EML5: variants seen among roughly 807,000 people sequenced by gnomAD.
EML5 encodes echinoderm microtubule-associated protein-like 5.
A neutral mutation model predicts 250.0 loss-of-function variants in EML5; 120 were observed. The ratio of observed to expected loss-of-function variants is 0.48; its 90% CI spans 0.41 to 0.56. EML5 has a LOEUF of 0.56. Among genes scored for constraint, EML5 ranks in the 20% least tolerant of loss-of-function variants. The pLI is 0.00. For synonymous variants in EML5, 771 were observed against 806.5 expected, an observed-to-expected ratio of 0.96 and a Z score of 0.75; for missense variants, 2,006 against 2,437.6, an observed-to-expected ratio of 0.82 and a Z score of 3.73.
At chr14:88,673,413 G>A (rs1329743452) in intron 21 of EML5, among the ~76,000 whole-genome samples, 3 of 152,048 alleles carry the variant, frequency 2.0e-5, no homozygotes, top group African/African-American at 7.2e-5. Flanking sequence ...AACCCACAGT[G>A]AGTATCATAC....
intron 27 of EML5, among the ~76,000 whole-genome samples, chr14:88,653,355 A>G (rs753841795): frequency 3.9e-5 from 6 of 152,184 alleles, no homozygotes; most frequent in Non-Finnish European, 8.8e-5. Context: ...AGTGAGAGAC[A>G]GCATCCTTGT....
chr14:88,663,666 T>TA (rs1339829907), intron 23 of EML5, among the ~76,000 whole-genome samples: 1 of 152,154 alleles, frequency 6.6e-6, no homozygotes, highest in Non-Finnish European at 1.5e-5. Flanking sequence ...AAAATGACTT[T>TA]AAAATCTTCA....
intron 28 of EML5, 79 bp from the exon 29 acceptor site, chr14:88,647,034 A>G: frequency 2.2e-6 from 3 of 1,335,812 alleles, no homozygotes; most frequent in Non-Finnish European, 3.1e-6. Flanking sequence ...ACCTCCTGTA[A>G]TAAAATATTT....
chr14:88,712,159 T>TC, intron 10 of EML5, 112 bp downstream of exon 10: 1 of 697,126 alleles, frequency 1.4e-6, no homozygotes, highest in Non-Finnish European at 2.4e-6. Context: ...CCTTCACCAA[T>TC]CAGTGTAATT....
chr14:88,773,744 C>T lies in EML5; in HGVS notation c.197+18563G>A, dbSNP rs569480060. Among the ~76,000 whole-genome samples the T allele has an allele frequency of 5.3e-5, 8 of 152,288 alleles. No homozygotes were observed. In the South Asian group the frequency reaches 1.7e-3, roughly 32 times the overall value. On this transcript the variant is annotated intron_variant, in intron 1 of 43. Coordinates refer to ENST00000554922, the MANE Select transcript of EML5 (RefSeq NM_183387.3). ...TGTTTTCTTTTAACTTTCTATTAAG[C>T]AGCCAGGGTTGAGAATCAGGAATCT... is the stretch of plus-strand genomic sequence containing the variant.
At chr14:88,672,584 C>T (rs769802878) in intron 21 of EML5, among the ~76,000 whole-genome samples, 5 of 151,358 alleles carry the variant, frequency 3.3e-5, no homozygotes, top group Admixed American at 6.6e-5. Context: ...ACGAAAAGCG[C>T]GTCAAAAAAT....
At chr14:88,703,091 T>A (rs905046887) in intron 13 of EML5, among the ~76,000 whole-genome samples, 1 of 152,134 alleles carries the variant, frequency 6.6e-6, no homozygotes, top group African/African-American at 2.4e-5. Context: ...AATAAACTTT[T>A]ATGAACTGCT....
chr14:88,744,844 T>C (rs978083653), intron 3 of EML5, among the ~76,000 whole-genome samples: 2 of 152,096 alleles, frequency 1.3e-5, no homozygotes, highest in African/African-American at 4.8e-5. Context: ...TATACTAAAA[T>C]GTACACTTCA....
intron 32 of EML5, among the ~76,000 whole-genome samples, chr14:88,636,474 A>C (rs2090738297): frequency 6.6e-6 from 1 of 152,212 alleles, no homozygotes; most frequent in Non-Finnish European, 1.5e-5. Context: ...CATCCTGGCC[A>C]ACATGGTGAA....
At chr14:88,773,551 T>G (rs2094416633) in intron 1 of EML5, among the ~76,000 whole-genome samples, 1 of 152,162 alleles carries the variant, frequency 6.6e-6, no homozygotes, top group Non-Finnish European at 1.5e-5. Context: ...TGGATTACTA[T>G]TAAATCCAGA....
chr14:88,736,747 G>A (rs891690251), intron 6 of EML5, among the ~76,000 whole-genome samples, 182 bp from the exon 7 acceptor site: 6 of 152,120 alleles, frequency 3.9e-5, no homozygotes, highest in Non-Finnish European at 8.8e-5. Flanking sequence ...AACTGAGAAC[G>A]TCTCTTCCCA....
chr14:88,749,079 A>T (rs533338172), intron 2 of EML5, among the ~76,000 whole-genome samples: 16 of 152,260 alleles, frequency 1.1e-4, no homozygotes, highest in African/African-American at 2.6e-4. Context: ...TAAGACGTTC[A>T]ACAAATCCCA....
chr14:88,731,949 TA>T, intron 7 of EML5, among the ~76,000 whole-genome samples: 1 of 152,358 alleles, frequency 6.6e-6, no homozygotes, highest in East Asian at 1.9e-4. Flanking sequence ...GAGTTCTTTG[TA>T]AATTCTGGAT....
rs891183460 is a variant in EML5 at position 88,775,232 on chromosome 14, G to A, written c.197+17075C>T. ...GAAACTCCTTTTGCTTGAGAAAAGC[G>A]GAGTGAAAAGTAAATACTTTGTCTT... On this transcript the variant is annotated intron_variant, in intron 1 of 43. Transcript: ENST00000554922. Among the ~76,000 whole-genome samples the A allele has an allele frequency of 8.5e-5, 13 of 152,178 alleles. No individual in the cohort carries two copies. The East Asian group carries it at 1.5e-3, about 18-fold the overall frequency.
At chr14:88,617,254 TCTC>T (rs1421351805) in intron 41 of EML5, 1 of 160,000 alleles carries the variant, frequency 6.3e-6, no homozygotes, top group Non-Finnish European at 1.4e-5. Flanking sequence ...TTCAAGCAAT[TCTC>T]CTGCCTCAGC....
chr14:88,764,075 C>T (rs188669990), intron 1 of EML5, among the ~76,000 whole-genome samples: 1 of 152,228 alleles, frequency 6.6e-6, no homozygotes, highest in Non-Finnish European at 1.5e-5. Context: ...GCCTTGTATT[C>T]CTGGAATGAA....
intron 21 of EML5, among the ~76,000 whole-genome samples, chr14:88,668,336 G>A (rs1567093455): frequency 1.3e-5 from 2 of 152,058 alleles, no homozygotes; most frequent in Admixed American, 1.3e-4. Flanking sequence ...AGGAAGAAGA[G>A]ATAGCACTAG....
At chr14:88,764,205 TTTCC>T (rs1341266851) in intron 1 of EML5, among the ~76,000 whole-genome samples, 6 of 152,196 alleles carry the variant, frequency 3.9e-5, no homozygotes, top group African/African-American at 1.4e-4. Context: ...TTGTCTGTAG[TTTCC>T]TTTTCTTCAA....
At chr14:88,781,498 A>C (rs989006168) in intron 1 of EML5, among the ~76,000 whole-genome samples, 5 of 152,216 alleles carry the variant, frequency 3.3e-5, no homozygotes, top group African/African-American at 1.2e-4. Flanking sequence ...TACTAAAAAT[A>C]GTCACTTCTT....
Sources: gnomAD v4.1 joint callset for allele counts (sites outside exome capture counted in the v4.1 genomes callset) on GRCh38, gnomAD v4.1.1 for gene constraint, MANE v1.5 for transcripts, NCBI Gene and HGNC (gene_info 2026-07-23, HGNC 2026-07-21) for gene names.